TUB: variants seen among roughly 807,000 people sequenced by gnomAD.
TUB encodes the protein tubby protein homolog.
TUB carries 33 observed loss-of-function variants against 59.7 expected under a neutral mutation model. The observed-to-expected ratio is 0.55, with a 90% CI of 0.42 to 0.74. The LOEUF (loss-of-function observed/expected upper bound fraction) is 0.74. Ranked by LOEUF, TUB falls within the 30% of genes least tolerant of loss-of-function variation. TUB has a pLI of 0.00. For missense variants in TUB, 659 were observed against 672.0 expected (o/e 0.98, Z 0.21); for synonymous variants, 293 against 256.4 (o/e 1.14, Z -1.36).
At chr11:8,078,556 C>T (rs923423132), upstream of TUB, among the ~76,000 whole-genome samples, 3 of 152,088 alleles carry the variant, frequency 2.0e-5, no homozygotes, top group Non-Finnish European at 4.4e-5. Flanking sequence ...CCACGGAAGT[C>T]ATTTGAGTGG....
At chr11:8,071,517 A>G (rs1943359733) in intron 2 of TUB, among the ~76,000 whole-genome samples, 1 of 152,130 alleles carries the variant, frequency 6.6e-6, no homozygotes, top group Non-Finnish European at 1.5e-5. Context: ...CCTGACATCC[A>G]AGACACTAAT....
chr11:8,090,278 C>T (rs1400583094), intron 3 of TUB, 47 bp downstream of exon 3: 6 of 1,599,228 alleles, frequency 3.8e-6, no homozygotes, highest in South Asian at 3.4e-5. Flanking sequence ...TTCGGGGAGC[C>T]CGTCACTTCC....
intron 1 of TUB, among the ~76,000 whole-genome samples, chr11:8,085,638 C>G (rs781356541): frequency 1.3e-5 from 2 of 152,148 alleles, no homozygotes; most frequent in Non-Finnish European, 2.9e-5. Flanking sequence ...TCCACTGTGA[C>G]TGAGGGGAAA....
chr11:8,076,243 G>GAA (rs1943446271), upstream of TUB: 1 of 152,118 alleles, frequency 6.6e-6, no homozygotes, highest in Non-Finnish European at 1.5e-5. Flanking sequence ...CACTCTTGCT[G>GAA]CTCTTTGGAT....
intron 1 of TUB, chr11:8,039,380 C>T: frequency 2.2e-6 from 1 of 447,686 alleles, no homozygotes; most frequent in Non-Finnish European, 3.9e-6. Context: ...TGTCTCCCCA[C>T]CCCCCAGTGC....
chr11:8,089,873 T>C (rs1160797959), intron 2 of TUB, among the ~76,000 whole-genome samples, 196 bp from the exon 3 acceptor site: 1 of 152,220 alleles, frequency 6.6e-6, no homozygotes, highest in Non-Finnish European at 1.5e-5. Context: ...GTGACTGCAG[T>C]TGGAGGGCTG....
At chr11:8,046,535 C>T (rs1207512666) in intron 2 of TUB, among the ~76,000 whole-genome samples, 1 of 152,190 alleles carries the variant, frequency 6.6e-6, no homozygotes, top group African/African-American at 2.4e-5. Flanking sequence ...CTCTTTTTCA[C>T]CATTCCCTGA....
intron 1 of TUB, among the ~76,000 whole-genome samples, chr11:8,083,747 C>T (rs1943614611): frequency 6.6e-6 from 1 of 152,134 alleles, no homozygotes; most frequent in South Asian, 2.1e-4. Flanking sequence ...CCATGCCTGT[C>T]ACTCCACCTC....
intron 1 of TUB, among the ~76,000 whole-genome samples, chr11:8,021,192 G>A (rs1339871621): frequency 2.6e-5 from 4 of 152,336 alleles, no homozygotes; most frequent in Non-Finnish European, 4.4e-5. Flanking sequence ...GCCTGGCGCA[G>A]TGGCTCACAC....
At chr11:8,051,234 A>T in intron 2 of TUB, among the ~76,000 whole-genome samples, 1 of 152,188 alleles carries the variant, frequency 6.6e-6, no homozygotes. Context: ...TGGCAATTAC[A>T]TATGTTTGTG....
intron 2 of TUB, among the ~76,000 whole-genome samples, chr11:8,053,564 G>A (rs530297492): frequency 4.6e-5 from 7 of 151,666 alleles, no homozygotes; most frequent in African/African-American, 1.4e-4. Flanking sequence ...GCAGTTGCAC[G>A]ATCTCGGCTC....
chr11:8,085,102 C>T (rs570440402), intron 1 of TUB, among the ~76,000 whole-genome samples: 37 of 152,296 alleles, frequency 2.4e-4, no homozygotes, highest in African/African-American at 6.3e-4. Flanking sequence ...CTGCTAGGTT[C>T]GGCCTCCGAG....
At chr11:8,100,744 C>G in intron 10 of TUB, 82 bp from the exon 11 acceptor site, 1 of 1,581,100 alleles carries the variant, frequency 6.3e-7, no homozygotes, top group Non-Finnish European at 8.6e-7. Flanking sequence ...TCCAAGGACC[C>G]CCATTCCCGG....
chr11:8,083,090 C>T (rs1943600825), intron 1 of TUB, among the ~76,000 whole-genome samples: 1 of 152,230 alleles, frequency 6.6e-6, no homozygotes, highest in African/African-American at 2.4e-5. Flanking sequence ...TCTGGAGGAT[C>T]CTGGCCTTTC....
intron 1 of TUB, among the ~76,000 whole-genome samples, chr11:8,023,043 T>TTTTC (rs1425732585): frequency 1.3e-5 from 2 of 152,210 alleles, no homozygotes; most frequent in African/African-American, 4.8e-5. Flanking sequence ...CAGGCTCAGC[T>TTTTC]TTTCTGGGTT....
rs909544106 is a variant in TUB, at chr11:8,048,757, T to A, written c.203+9065T>A. On this transcript the variant is annotated intron_variant, in intron 2 of 12. Transcript: ENST00000305253. ...TCAGAGCATCAGACTTTCCATAATT[T>A]GGACTATTCATACTCAATATCAATT... Among the ~76,000 whole-genome samples, 4 of 152,182 alleles carry A rather than the reference T, an allele frequency of 2.6e-5. No individual in the cohort carries two copies. The East Asian group carries it at 7.7e-4, about 29-fold the overall frequency.
chr11:8,079,690 G>A (rs537297702), upstream of TUB, among the ~76,000 whole-genome samples: 21 of 146,510 alleles, frequency 1.4e-4, no homozygotes, highest in Admixed American at 3.3e-4. Context: ...GTAGGTGTGC[G>A]TGTGTGTGTG....
chr11:8,054,019 G>T (rs1942975890), intron 2 of TUB, among the ~76,000 whole-genome samples: 1 of 151,776 alleles, frequency 6.6e-6, no homozygotes, highest in South Asian at 2.1e-4. Context: ...GGAGGCTGAG[G>T]CAGGAGAATG....
chr11:8,029,412 A>T (rs1942540850), intron 1 of TUB, among the ~76,000 whole-genome samples: 1 of 135,068 alleles, frequency 7.4e-6, no homozygotes, highest in Non-Finnish European at 1.5e-5. Flanking sequence ...TTTTTGAGAC[A>T]GAGTCTCGCT....
Sources: gnomAD v4.1 joint callset for allele counts (sites outside exome capture counted in the v4.1 genomes callset) on GRCh38, gnomAD v4.1.1 for gene constraint, MANE v1.5 for transcripts, NCBI Gene and HGNC (gene_info 2026-07-23, HGNC 2026-07-21) for gene names.